LY96: variants seen among roughly 807,000 people sequenced by gnomAD.
LY96 encodes myeloid differentiation protein-2.
LY96 carries 18 observed loss-of-function variants against 18.9 expected under a neutral mutation model. The observed-to-expected ratio is 0.95, with a 90% CI of 0.66 to 1.41. The LOEUF is 1.41. Among genes scored for constraint, LY96 ranks in the 40% most tolerant of loss-of-function variants. LY96 has a pLI of 0.00. For synonymous variants in LY96, 66 were observed against 62.6 expected (o/e 1.06, Z -0.26); for missense variants, 175 against 182.4 (o/e 0.96, Z 0.23).
chr8:74,006,863 A>G (rs1816423019), intron 2 of LY96, among the ~76,000 whole-genome samples: 1 of 152,298 alleles, frequency 6.6e-6, no homozygotes, highest in African/African-American at 2.4e-5. Flanking sequence ...AGATAATAAG[A>G]CAGTACGAAA....
chr8:74,048,989 C>T, the LY96 span, among the ~76,000 whole-genome samples: 7 of 152,156 alleles, frequency 4.6e-5, no homozygotes, highest in Non-Finnish European at 7.3e-5. Context: ...CTGCCTTGTG[C>T]GTAGCTGTGT....
At chr8:74,081,127 TTCCTTCCTTCC>T in the LY96 span, among the ~76,000 whole-genome samples, 7 of 143,716 alleles carry the variant, frequency 4.9e-5, no homozygotes, top group Non-Finnish European at 6.1e-5. Flanking sequence ...CTTTCTTTCC[TTCCTTCCTTCC>T]TTCCTTCTTT....
chr8:74,039,484 G>C, the LY96 span, among the ~76,000 whole-genome samples: 949 of 152,170 alleles, frequency 6.2e-3, 9 homozygotes, highest in East Asian at 0.035. Flanking sequence ...AAAACAGCTG[G>C]GCCCGGGGGA....
chr8:74,076,438 C>T, the LY96 span, among the ~76,000 whole-genome samples: 47 of 152,014 alleles, frequency 3.1e-4, 2 homozygotes, highest in South Asian at 9.6e-3. Flanking sequence ...ATTCTCCTGC[C>T]TCAGCCTCCC....
At chr8:74,099,669 T>G in the LY96 span, 1 of 152,196 alleles carries the variant, frequency 6.6e-6, no homozygotes, top group Non-Finnish European at 1.5e-5. Context: ...TATTAATGAC[T>G]CCTCCTATAA....
chr8:74,001,703 G>T (rs935522260), intron 1 of LY96, among the ~76,000 whole-genome samples: 2 of 151,818 alleles, frequency 1.3e-5, no homozygotes, highest in African/African-American at 4.8e-5. Context: ...AAAAAAATTA[G>T]CTGAGTGTGG....
the LY96 span, chr8:74,052,651 G>A: frequency 6.6e-6 from 1 of 152,288 alleles, no homozygotes; most frequent in Non-Finnish European, 1.5e-5. Flanking sequence ...TGGTAAGCTG[G>A]TGGCAGGAGC....
the LY96 span, among the ~76,000 whole-genome samples, chr8:74,087,684 A>G: frequency 6.6e-6 from 1 of 152,208 alleles, no homozygotes; most frequent in African/African-American, 2.4e-5. Context: ...AGAGGTGTGA[A>G]AAGTGAGACT....
chr8:74,097,871 C>G, the LY96 span, among the ~76,000 whole-genome samples: 1 of 152,160 alleles, frequency 6.6e-6, no homozygotes, highest in Non-Finnish European at 1.5e-5. Context: ...TGGCACCAGC[C>G]CTGCTGAATC....
the LY96 span, among the ~76,000 whole-genome samples, chr8:74,083,984 G>C: frequency 1.3e-5 from 2 of 151,998 alleles, no homozygotes; most frequent in East Asian, 3.9e-4. Context: ...ACTGTGTCCA[G>C]CCAAAACTTT....
At chr8:74,094,125 C>T in the LY96 span, among the ~76,000 whole-genome samples, 3 of 151,940 alleles carry the variant, frequency 2.0e-5, no homozygotes, top group East Asian at 5.8e-4. Context: ...AAGAAAGGAC[C>T]AGCAATTTAC....
the LY96 span, among the ~76,000 whole-genome samples, chr8:74,068,258 T>G: frequency 6.6e-6 from 1 of 151,934 alleles, no homozygotes; most frequent in African/African-American, 2.4e-5. Context: ...TAGAAAGCAC[T>G]CTTTCACTCA....
the LY96 span, among the ~76,000 whole-genome samples, chr8:74,044,462 T>C: frequency 1.3e-5 from 2 of 152,184 alleles, no homozygotes; most frequent in Non-Finnish European, 2.9e-5. Flanking sequence ...AAGCTGGGAT[T>C]ATAGCTGTGA....
At chr8:74,007,560 T>C (rs986787913) in intron 2 of LY96, among the ~76,000 whole-genome samples, 4 of 152,148 alleles carry the variant, frequency 2.6e-5, no homozygotes, top group African/African-American at 4.8e-5. Flanking sequence ...AAGTACAAAC[T>C]TGAACCAAAA....
the LY96 span, among the ~76,000 whole-genome samples, chr8:74,049,633 G>T: frequency 6.6e-6 from 1 of 152,208 alleles, no homozygotes; most frequent in Admixed American, 6.5e-5. Flanking sequence ...CTTGCTTGCT[G>T]AGGAGTGAAA....
At chr8:74,014,669 C>T (rs997252606) in intron 3 of LY96, among the ~76,000 whole-genome samples, 1 of 151,534 alleles carries the variant, frequency 6.6e-6, no homozygotes, top group Non-Finnish European at 1.5e-5. Context: ...ATTTGGGAGT[C>T]GAATTTGCAA....
intron 3 of LY96, among the ~76,000 whole-genome samples, chr8:74,026,329 C>A (rs1250265151): frequency 2.6e-5 from 4 of 152,196 alleles, no homozygotes; most frequent in South Asian, 2.1e-4. Flanking sequence ...TGCACTTAAA[C>A]AGAAGCTAAC....
At chr8:74,088,163 A>G in the LY96 span, among the ~76,000 whole-genome samples, 1 of 118,132 alleles carries the variant, frequency 8.5e-6, no homozygotes, top group Admixed American at 7.9e-5. Context: ...AAGAATAGAA[A>G]AGGAAAGTGT....
the LY96 span, among the ~76,000 whole-genome samples, chr8:74,093,359 A>G: frequency 6.6e-6 from 1 of 152,328 alleles, no homozygotes; most frequent in Middle Eastern, 3.4e-3. Flanking sequence ...CATCTTTAAT[A>G]GCTACTGCAG....
Sources: gnomAD v4.1 joint callset for allele counts (sites outside exome capture counted in the v4.1 genomes callset) on GRCh38, gnomAD v4.1.1 for gene constraint, MANE v1.5 for transcripts, NCBI Gene and HGNC (gene_info 2026-07-23, HGNC 2026-07-21) for gene names.